PDZRN4: variants seen among roughly 807,000 people sequenced by gnomAD.
The protein encoded by PDZRN4 is PDZ domain containing ring finger 4.
In PDZRN4, 70 loss-of-function variants were observed where a neutral mutation model predicts 99.0. That is an observed-to-expected ratio of 0.71 (90% CI 0.58 to 0.86). The LOEUF is 0.86. PDZRN4 is among the 40% of genes least tolerant of loss of function. The probability of loss-of-function intolerance (pLI) is 0.00; values close to 1 mark genes in which losing one functional copy is unlikely to be tolerated. For synonymous variants in PDZRN4, 551 were observed against 501.6 expected (o/e 1.10, Z -1.32); for missense variants, 1,474 against 1,331.2 (o/e 1.11, Z -1.67).
intron 3 of PDZRN4, among the ~76,000 whole-genome samples, chr12:41,276,035 C>CTTTCACAGTTGTTATTAATG (rs1421051145): frequency 2.6e-5 from 4 of 152,064 alleles, no homozygotes; most frequent in African/African-American, 7.2e-5. Flanking sequence ...GGTTGACTAG[C>CTTTCACAGTTGTTATTAATG]AGTAGTTTCA....
intron 3 of PDZRN4, among the ~76,000 whole-genome samples, chr12:41,286,336 CTTTTTTTT>C (rs71081721): frequency 2.8e-5 from 3 of 106,298 alleles, no homozygotes; most frequent in Non-Finnish European, 3.7e-5. Context: ...CCTTCTTCTT[CTTTTTTTT>C]TTTTTTTTTT....
intron 3 of PDZRN4, among the ~76,000 whole-genome samples, chr12:41,356,589 A>G (rs1179666344): frequency 1.3e-5 from 2 of 151,984 alleles, no homozygotes; most frequent in African/African-American, 2.4e-5. Context: ...AGATAATTGT[A>G]TCTCCTGGAA....
At chr12:41,460,202 T>A in intron 3 of PDZRN4, 1 of 619,872 alleles carries the variant, frequency 1.6e-6, no homozygotes, top group South Asian at 2.0e-5. Context: ...CTATATTGAA[T>A]ATCCTAGTCA....
intron 3 of PDZRN4, among the ~76,000 whole-genome samples, chr12:41,310,912 A>G (rs1951602434): frequency 6.6e-6 from 1 of 152,122 alleles, no homozygotes; most frequent in African/African-American, 2.4e-5. Flanking sequence ...AAATACACAG[A>G]TCTAAGAGTT....
intron 3 of PDZRN4, among the ~76,000 whole-genome samples, chr12:41,331,215 G>A (rs1352195116): frequency 1.3e-5 from 2 of 152,046 alleles, no homozygotes; most frequent in Non-Finnish European, 2.9e-5. Context: ...GGTATATTTG[G>A]ATAATATTTC....
intron 7 of PDZRN4, among the ~76,000 whole-genome samples, chr12:41,562,571 A>G (rs1939287711): frequency 6.6e-6 from 1 of 152,142 alleles, no homozygotes; most frequent in Non-Finnish European, 1.5e-5. Flanking sequence ...TATAATTATA[A>G]ATCAAAAATC....
At chr12:41,273,925 A>G (rs545288707) in intron 3 of PDZRN4, among the ~76,000 whole-genome samples, 1 of 152,092 alleles carries the variant, frequency 6.6e-6, no homozygotes, top group Admixed American at 6.6e-5. Context: ...TTCTTAATGC[A>G]TCAAGATCTA....
At chr12:41,526,363 T>C (rs1044911868) in intron 5 of PDZRN4, among the ~76,000 whole-genome samples, 25 of 152,210 alleles carry the variant, frequency 1.6e-4, no homozygotes, top group African/African-American at 5.8e-4. Context: ...ACTCTCTGGT[T>C]CACAAGTGCT....
chr12:41,279,003 A>G (rs1285742237), intron 3 of PDZRN4, among the ~76,000 whole-genome samples: 1 of 152,194 alleles, frequency 6.6e-6, no homozygotes, highest in Non-Finnish European at 1.5e-5. Flanking sequence ...TAACTCCAGA[A>G]GGATTTTTGG....
intron 3 of PDZRN4, among the ~76,000 whole-genome samples, chr12:41,304,226 T>A (rs1393091268): frequency 6.6e-6 from 1 of 152,192 alleles, no homozygotes; most frequent in African/African-American, 2.4e-5. Context: ...TATGCTTTAA[T>A]CATTCACTAG....
chr12:41,244,449 A>C (rs1249336974), intron 3 of PDZRN4, among the ~76,000 whole-genome samples: 1 of 152,118 alleles, frequency 6.6e-6, no homozygotes, highest in African/African-American at 2.4e-5. Flanking sequence ...CATTTTCCTC[A>C]GTAAAATCCG....
intron 3 of PDZRN4, among the ~76,000 whole-genome samples, chr12:41,268,124 T>A (rs7965249): frequency 0.15 from 23,461 of 152,152 alleles, 2,197 homozygotes; most frequent in Non-Finnish European, 0.21. Flanking sequence ...GCATTTTTTT[T>A]ATTTTTAACT....
chr12:41,412,312 A>C (rs1453579285), intron 3 of PDZRN4: 2 of 152,202 alleles, frequency 1.3e-5, no homozygotes, highest in African/African-American at 4.8e-5. Context: ...CGAAGGAGAA[A>C]AGGGTGATGA....
chr12:41,533,237 C>T (rs1361695681), intron 5 of PDZRN4, among the ~76,000 whole-genome samples: 4 of 151,198 alleles, frequency 2.6e-5, no homozygotes, highest in Non-Finnish European at 5.9e-5. Flanking sequence ...GGCAGTGGTA[C>T]GATCTTGGCT....
At chr12:41,328,105 C>G (rs916000484) in intron 3 of PDZRN4, among the ~76,000 whole-genome samples, 4 of 152,000 alleles carry the variant, frequency 2.6e-5, no homozygotes, top group South Asian at 2.1e-4. Context: ...CAACTATTAA[C>G]TATGCACTAT....
At chr12:41,256,577 A>G (rs972368112) in intron 3 of PDZRN4, among the ~76,000 whole-genome samples, 1 of 152,182 alleles carries the variant, frequency 6.6e-6, no homozygotes, top group Admixed American at 6.5e-5. Flanking sequence ...TTGAACTTTT[A>G]GGGCTTCCAG....
intron 3 of PDZRN4, among the ~76,000 whole-genome samples, chr12:41,482,438 T>G (rs1332147471): frequency 6.6e-6 from 1 of 152,174 alleles, no homozygotes; most frequent in Non-Finnish European, 1.5e-5. Context: ...AAATAACTGT[T>G]GGCTAGCCAA....
intron 3 of PDZRN4, among the ~76,000 whole-genome samples, chr12:41,356,116 T>C (rs1453981230): frequency 6.6e-6 from 1 of 152,048 alleles, no homozygotes; most frequent in Non-Finnish European, 1.5e-5. Flanking sequence ...CAATGATCTA[T>C]GTAGGACCAA....
chr12:41,350,296 C>A (rs1951881151), intron 3 of PDZRN4, among the ~76,000 whole-genome samples: 1 of 152,044 alleles, frequency 6.6e-6, no homozygotes, highest in African/African-American at 2.4e-5. Flanking sequence ...GCAAGTGAAG[C>A]AATTCCAGAG....
Sources: gnomAD v4.1 joint callset for allele counts (sites outside exome capture counted in the v4.1 genomes callset) on GRCh38, gnomAD v4.1.1 for gene constraint, MANE v1.5 for transcripts, NCBI Gene and HGNC (gene_info 2026-07-23, HGNC 2026-07-21) for gene names.